DCDC2: variants seen among roughly 807,000 people sequenced by gnomAD.
DCDC2 encodes doublecortin domain containing 2, also known as doublecortin domain-containing protein 2.
In DCDC2, 40 loss-of-function variants were observed where a neutral mutation model predicts 50.2. That is an observed-to-expected ratio of 0.80 (90% CI 0.62 to 1.04). The LOEUF (loss-of-function observed/expected upper bound fraction) is 1.04, where lower values mean the gene tolerates loss of function less well. Ranked by LOEUF, DCDC2 falls within the 50% of genes least tolerant of loss-of-function variation. The pLI is 0.00. For missense variants in DCDC2, 570 were observed against 581.9 expected (o/e 0.98, Z 0.21); for synonymous variants, 234 against 210.6 (o/e 1.11, Z -0.96).
At chr6:24,208,187 C>A (rs553956948) in intron 7 of DCDC2, among the ~76,000 whole-genome samples, 2 of 152,148 alleles carry the variant, frequency 1.3e-5, no homozygotes, top group East Asian at 3.9e-4. Context: ...CATGTCTCAC[C>A]CTATGCCTTC....
intron 5 of DCDC2, among the ~76,000 whole-genome samples, chr6:24,290,184 G>A (rs914644264): frequency 6.6e-6 from 1 of 150,508 alleles, no homozygotes; most frequent in Non-Finnish European, 1.5e-5. Context: ...TAGTAGAGAC[G>A]GGGTTTCACC....
intron 9 of DCDC2, among the ~76,000 whole-genome samples, chr6:24,175,266 T>C (rs1760877532): frequency 6.6e-6 from 1 of 152,210 alleles, no homozygotes; most frequent in African/African-American, 2.4e-5. Context: ...CCAAGTACCA[T>C]CAAGTAGCAA....
chr6:24,258,383 C>G (rs1302046565), intron 7 of DCDC2, among the ~76,000 whole-genome samples: 2 of 152,162 alleles, frequency 1.3e-5, no homozygotes, highest in Non-Finnish European at 2.9e-5. Context: ...TAGCTAGCCA[C>G]AGAGAGCTGA....
intron 7 of DCDC2, among the ~76,000 whole-genome samples, chr6:24,226,641 G>C (rs1430200491): frequency 3.3e-5 from 5 of 152,190 alleles, no homozygotes; most frequent in African/African-American, 1.2e-4. Context: ...CAAAAGTGGA[G>C]GCAGACAACC....
chr6:24,374,858 C>T, the DCDC2 span, among the ~76,000 whole-genome samples: 1 of 152,182 alleles, frequency 6.6e-6, no homozygotes, highest in African/African-American at 2.4e-5. Flanking sequence ...ACAGATCGCT[C>T]AGCCCCATCG....
At chr6:24,272,156 C>A (rs2792682) in intron 7 of DCDC2, among the ~76,000 whole-genome samples, 108,294 of 152,092 alleles carry the variant, frequency 0.71, 40,247 homozygotes, top group East Asian at 0.95. Flanking sequence ...GTATTCAGCC[C>A]ACTTTTAATT....
chr6:24,184,155 C>A (rs1761142165), intron 8 of DCDC2, among the ~76,000 whole-genome samples: 1 of 152,176 alleles, frequency 6.6e-6, no homozygotes, highest in Non-Finnish European at 1.5e-5. Flanking sequence ...GTCCCAAAGT[C>A]CTAGTATCTT....
At chr6:24,243,200 G>C (rs1265004891) in intron 7 of DCDC2, among the ~76,000 whole-genome samples, 1 of 152,194 alleles carries the variant, frequency 6.6e-6, no homozygotes, top group East Asian at 1.9e-4. Context: ...GAAACAAAAT[G>C]GTGATCAGAG....
the DCDC2 span, among the ~76,000 whole-genome samples, chr6:24,376,321 T>C: frequency 6.6e-6 from 1 of 151,830 alleles, no homozygotes; most frequent in Non-Finnish European, 1.5e-5. Context: ...GAGGTGAGAG[T>C]CATTCTGGTG....
At chr6:24,281,487 G>GAAAAAAAAAAAAAA (rs59842458) in intron 6 of DCDC2, among the ~76,000 whole-genome samples, 1 of 83,782 alleles carries the variant, frequency 1.2e-5, no homozygotes. Flanking sequence ...ATGCTTTTAA[G>GAAAAAAAAAAAAAA]AAAAAAAAAA....
chr6:24,378,263 T>C, the DCDC2 span, among the ~76,000 whole-genome samples: 1 of 152,158 alleles, frequency 6.6e-6, no homozygotes, highest in Non-Finnish European at 1.5e-5. Flanking sequence ...TCGGCACTTG[T>C]GTGTGTTTCC....
At chr6:24,184,355 T>A (rs1250084244) in intron 8 of DCDC2, among the ~76,000 whole-genome samples, 1 of 152,054 alleles carries the variant, frequency 6.6e-6, no homozygotes, top group Non-Finnish European at 1.5e-5. Context: ...GAGGATTAAC[T>A]GAGCTCGGGA....
At chr6:24,232,004 TACAC>T (rs57865332) in intron 7 of DCDC2, among the ~76,000 whole-genome samples, 29 of 148,388 alleles carry the variant, frequency 2.0e-4, no homozygotes, top group East Asian at 1.4e-3. Flanking sequence ...CATATATATA[TACAC>T]ACACACACAC....
intron 7 of DCDC2, among the ~76,000 whole-genome samples, chr6:24,254,312 G>C (rs1762850645): frequency 6.6e-6 from 1 of 152,098 alleles, no homozygotes; most frequent in African/African-American, 2.4e-5. Flanking sequence ...AAATAAACAA[G>C]TAATAGAGTT....
chr6:24,286,791 C>G (rs1306773431), intron 6 of DCDC2, among the ~76,000 whole-genome samples: 1 of 152,154 alleles, frequency 6.6e-6, no homozygotes, highest in Non-Finnish European at 1.5e-5. Flanking sequence ...CTACCATTTT[C>G]TCAAATTCCA....
chr6:24,256,669 G>A (rs1339610784), intron 7 of DCDC2, among the ~76,000 whole-genome samples: 2 of 152,148 alleles, frequency 1.3e-5, no homozygotes, highest in African/African-American at 2.4e-5. Context: ...ACGTGTTTGG[G>A]AGGCCACTAT....
Position 24,352,998 on chromosome 6 carries a change from G to A in DCDC2, c.348+571C>T, listed in dbSNP as rs1045228426. On this transcript the variant is annotated intron_variant, in intron 2 of 9. Coordinates refer to ENST00000378454, the MANE Select transcript of DCDC2 (RefSeq NM_016356.5). ...ACTCCACCAGGGTTTCAGAAGCTAC[G>A]TGGAATGCGGTATTGTGAATATTTC... Among the ~76,000 whole-genome samples the A allele has an allele frequency of 9.2e-5, 14 of 152,282 alleles. 2 individuals carry two copies. In the South Asian group the frequency reaches 1.5e-3, roughly 16 times the overall value.
intron 2 of DCDC2, among the ~76,000 whole-genome samples, chr6:24,329,243 A>T (rs1234114179): frequency 6.6e-6 from 1 of 152,224 alleles, no homozygotes; most frequent in Non-Finnish European, 1.5e-5. Context: ...AGAGGTATGC[A>T]CACAAAAAAA....
At chr6:24,199,283 G>GC (rs1000181695) in intron 8 of DCDC2, among the ~76,000 whole-genome samples, 2 of 152,204 alleles carry the variant, frequency 1.3e-5, no homozygotes, top group African/African-American at 4.8e-5. Flanking sequence ...TCTGGTGGGT[G>GC]CCCCTTTGGG....
Sources: allele counts gnomAD v4.1 joint callset (sites outside exome capture counted in the v4.1 genomes callset), GRCh38; gene constraint gnomAD v4.1.1; transcripts MANE v1.5; gene names NCBI Gene and HGNC (gene_info 2026-07-23, HGNC 2026-07-21).